DIPK1A: variants seen among roughly 807,000 people sequenced by gnomAD.
DIPK1A encodes family with sequence similarity 69 member A.
In DIPK1A, 27 loss-of-function variants were observed where a neutral mutation model predicts 40.8. The ratio of observed to expected loss-of-function variants is 0.66; its 90% CI spans 0.49 to 0.91. The LOEUF (loss-of-function observed/expected upper bound fraction) is 0.91. Among genes scored for constraint, DIPK1A ranks in the 40% least tolerant of loss-of-function variants. The pLI is 0.00. For missense variants in DIPK1A, 412 were observed against 505.7 expected (o/e 0.81, Z 1.78); for synonymous variants, 166 against 171.3 (o/e 0.97, Z 0.24).
chr1:92,910,451 G>C (rs1649786946), intron 1 of DIPK1A, among the ~76,000 whole-genome samples: 1 of 152,088 alleles, frequency 6.6e-6, no homozygotes, highest in African/African-American at 2.4e-5. Context: ...GGGGGAAAGT[G>C]TATAGACAAA....
chr1:92,866,498 C>T (rs111536942), intron 2 of DIPK1A, among the ~76,000 whole-genome samples: 3,332 of 152,274 alleles, frequency 0.022, 117 homozygotes, highest in African/African-American at 0.075. Context: ...TCTTTCTTTA[C>T]ATTTTTGTAG....
At chr1:92,835,894 GTA>G (rs1298533177) in intron 4 of DIPK1A, among the ~76,000 whole-genome samples, 1 of 152,172 alleles carries the variant, frequency 6.6e-6, no homozygotes, top group Non-Finnish European at 1.5e-5. Flanking sequence ...AACATTGTAA[GTA>G]TAAGAATCAA....
Position 92,842,466 on chromosome 1 carries a change from A to G in DIPK1A, c.*917T>C, listed in dbSNP as rs939156725. The G allele has an allele frequency of 2.1e-6, 2 of 972,962 alleles. No homozygotes were observed. The highest frequency in any genetic ancestry group is 1.2e-6 in the Non-Finnish European group (1 of 821,532). 60.3% of individuals were successfully genotyped at this position (972,962 alleles called of 1,614,324 possible). ...AGCAAATACTAAACCTTGTATATCA[A>G]GTTTACATGGGGAAAAAAACATTAG... On this transcript the variant is annotated 3_prime_UTR_variant, in exon 5 of 5. Transcript: ENST00000370310.
chr1:92,859,453 G>A (rs1470142181), intron 2 of DIPK1A, among the ~76,000 whole-genome samples: 1 of 151,948 alleles, frequency 6.6e-6, no homozygotes, highest in African/African-American at 2.4e-5. Flanking sequence ...CCTTCCTTCG[G>A]TTATAATAGA....
intron 1 of DIPK1A, among the ~76,000 whole-genome samples, chr1:92,896,361 A>G (rs1180052860): frequency 2.0e-5 from 3 of 152,144 alleles, no homozygotes; most frequent in African/African-American, 7.2e-5. Flanking sequence ...CATATCTACA[A>G]CTATCTGATC....
chr1:92,858,541 G>A (rs1688063606), intron 2 of DIPK1A, among the ~76,000 whole-genome samples: 1 of 152,050 alleles, frequency 6.6e-6, no homozygotes, highest in Non-Finnish European at 1.5e-5. Flanking sequence ...TCTCATTGAG[G>A]ATTAAAGTGC....
intron 1 of DIPK1A, among the ~76,000 whole-genome samples, chr1:92,921,898 C>T (rs1650284477): frequency 6.6e-6 from 1 of 152,116 alleles, no homozygotes; most frequent in Non-Finnish European, 1.5e-5. Context: ...TAATTGTTTG[C>T]CTCAGATTGG....
intron 2 of DIPK1A, among the ~76,000 whole-genome samples, chr1:92,857,532 G>A (rs1461100806): frequency 2.0e-5 from 3 of 152,106 alleles, no homozygotes; most frequent in Admixed American, 6.6e-5. Flanking sequence ...ATGTTAGCTA[G>A]GCTGGTCTGG....
In DIPK1A at chr1:92,876,343, A is replaced by G. The variant is rs753488489; in HGVS notation, c.142T>C (p.Ser48Pro). 1 of 1,603,498 alleles carries G rather than the reference A, an allele frequency of 6.2e-7. No individual in the cohort carries two copies. The highest frequency in any genetic ancestry group is 8.5e-7 in the Non-Finnish European group (1 of 1,171,050). ...VGSWIIYVQY[S>P]TYTELCRGKD... Reference sequence around the variant, plus strand: ...CCTCTGCATAATTCTGTATAGGTAGAATACTGCACATATATAATCCAGCTT... The same window carrying G: ...CCTCTGCATAATTCTGTATAGGTAGGATACTGCACATATATAATCCAGCTT... Residue 48 changes from serine to proline, a missense_variant, in exon 2 of 5, where the codon TCT becomes CCT. Ser to Pro is a moderately conservative substitution (Grantham distance 74). Coordinates refer to ENST00000370310, the MANE Select transcript of DIPK1A (RefSeq NM_001006605.5).
At position 92,892,635 on chromosome 1, in the gene DIPK1A, A is replaced by G. The variant is rs1242863253; in HGVS notation, c.55-16205T>C. Among the ~76,000 whole-genome samples, 3 of 152,130 alleles carry G rather than the reference A, an allele frequency of 2.0e-5. No individual in the cohort carries two copies. The East Asian group carries it at 5.8e-4, about 29-fold the overall frequency. ...GAATGCAGCTCCTCACCAGCAATGGAACAAAGCTGGATGGAGAATGACTTT... is the reference window on the plus strand; with the variant it reads ...GAATGCAGCTCCTCACCAGCAATGGGACAAAGCTGGATGGAGAATGACTTT... On this transcript the variant is annotated intron_variant, in intron 1 of 4. Coordinates refer to ENST00000370310, the MANE Select transcript of DIPK1A (RefSeq NM_001006605.5).
At chr1:92,849,473 G>A (rs1687741759) in intron 3 of DIPK1A, among the ~76,000 whole-genome samples, 1 of 150,916 alleles carries the variant, frequency 6.6e-6, no homozygotes, top group Non-Finnish European at 1.5e-5. Flanking sequence ...TCAGCCTCCC[G>A]AGTAGCTGGG....
chr1:92,862,482 C>T (rs1248145749), intron 2 of DIPK1A, among the ~76,000 whole-genome samples: 1 of 152,144 alleles, frequency 6.6e-6, no homozygotes, highest in East Asian at 1.9e-4. Context: ...CCTTCATATC[C>T]TTTGAGGCTG....
intron 1 of DIPK1A, among the ~76,000 whole-genome samples, chr1:92,912,333 T>A (rs1479583243): frequency 6.6e-6 from 1 of 152,002 alleles, no homozygotes; most frequent in Non-Finnish European, 1.5e-5. Context: ...TTGTGATAGG[T>A]TTGTGGGCGT....
intron 2 of DIPK1A, among the ~76,000 whole-genome samples, chr1:92,863,136 C>T (rs1647353706): frequency 1.3e-5 from 2 of 152,170 alleles, no homozygotes; most frequent in Non-Finnish European, 2.9e-5. Context: ...ATGTGCTCCT[C>T]CTTTTTATTT....
At chr1:92,890,398 C>G (rs186375540) in intron 1 of DIPK1A, among the ~76,000 whole-genome samples, 2 of 152,234 alleles carry the variant, frequency 1.3e-5, no homozygotes, top group East Asian at 3.9e-4. Context: ...TGTTCCAGAT[C>G]TTAGAGAAAT....
chr1:92,922,429 T>C (rs1256995128), intron 1 of DIPK1A, among the ~76,000 whole-genome samples: 1 of 151,972 alleles, frequency 6.6e-6, no homozygotes, highest in Non-Finnish European at 1.5e-5. Context: ...TCCAGACGAA[T>C]TATTTGCGCC....
chr1:92,919,387 C>T (rs1012891082), intron 1 of DIPK1A, among the ~76,000 whole-genome samples: 37 of 152,168 alleles, frequency 2.4e-4, no homozygotes, highest in African/African-American at 8.4e-4. Flanking sequence ...TGCAACAATA[C>T]CAAAGTACTT....
intron 1 of DIPK1A, among the ~76,000 whole-genome samples, chr1:92,909,826 A>C (rs1252044439): frequency 6.6e-6 from 1 of 152,170 alleles, no homozygotes; most frequent in Admixed American, 6.6e-5. Flanking sequence ...GGGGGAATAA[A>C]AGGACTGCCC....
intron 1 of DIPK1A, among the ~76,000 whole-genome samples, chr1:92,907,927 C>G (rs1313748492): frequency 6.6e-6 from 1 of 152,072 alleles, no homozygotes; most frequent in African/African-American, 2.4e-5. Flanking sequence ...AGTTCAGTGG[C>G]ATGATCCCAG....
Sources: gnomAD v4.1 joint callset for allele counts (sites outside exome capture counted in the v4.1 genomes callset) on GRCh38, gnomAD v4.1.1 for gene constraint, MANE v1.5 for transcripts, NCBI Gene and HGNC (gene_info 2026-07-23, HGNC 2026-07-21) for gene names.